The following CCNY variants were observed in gnomAD, a reference collection of about 807,000 sequenced individuals.
The protein encoded by CCNY is cyclin Y, also known as cyclin-Y.
A neutral mutation model predicts 42.8 loss-of-function variants in CCNY; 19 were observed. That is an observed-to-expected ratio of 0.44 (90% CI 0.31 to 0.65). The LOEUF (loss-of-function observed/expected upper bound fraction) is 0.65. Ranked by LOEUF, CCNY falls within the 30% of genes least tolerant of loss-of-function variation. CCNY has a pLI of 0.07. For missense variants in CCNY, 370 were observed against 437.3 expected (o/e 0.85, Z 1.37); for synonymous variants, 165 against 162.7 (o/e 1.01, Z -0.11).
intron 1 of CCNY, among the ~76,000 whole-genome samples, chr10:35,387,749 G>A (rs574658274): frequency 1.2e-3 from 179 of 152,300 alleles, no homozygotes; most frequent in African/African-American, 4.2e-3. Context: ...AGTAGTTAAT[G>A]TATAGCATGT....
At chr10:35,298,622 C>T (rs1283156544) in intron 3 of CCNY, among the ~76,000 whole-genome samples, 1 of 152,130 alleles carries the variant, frequency 6.6e-6, no homozygotes, top group African/African-American at 2.4e-5. Flanking sequence ...CTCAGGCACT[C>T]TTCCTTGCCT....
At chr10:35,417,903 T>G (rs992660437) in intron 1 of CCNY, among the ~76,000 whole-genome samples, 119 of 152,322 alleles carry the variant, frequency 7.8e-4, no homozygotes, top group Middle Eastern at 3.4e-3. Context: ...CTGTTCTCTT[T>G]TTTTCATCAG....
At position 35,566,129 on chromosome 10, in the gene CCNY, A is replaced by G; in HGVS notation, c.853A>G (p.Asn285Asp). Residue 285 changes from asparagine to aspartate, a missense_variant, in exon 9 of 10, where the codon AAC (asparagine) becomes GAC (aspartate). This residue lies in a region of CCNY where 234 missense variants were observed against 313.1 expected (regional missense o/e 0.75). Coordinates refer to ENST00000374704, the MANE Select transcript of CCNY (RefSeq NM_145012.6). The part of the protein sequence containing the change: ...YFDLRSLAEA[N>D]NLSFPLEPLS... ...TGATCTTCGTTCTCTGGCAGAAGCGAACAACCTGAGCTTTCCCTTGGAGCC... is the reference window on the plus strand; with the variant it reads ...TGATCTTCGTTCTCTGGCAGAAGCGGACAACCTGAGCTTTCCCTTGGAGCC... 6.2e-7 allele frequency: 1 copy of G among 1,614,252 alleles called. No homozygotes were observed. Among genetic ancestry groups the G allele is most frequent in the Non-Finnish European group, 8.5e-7 (1 of 1,180,042 alleles).
intron 3 of CCNY, chr10:35,316,190 C>G (rs1181809123): frequency 6.6e-6 from 1 of 152,194 alleles, no homozygotes; most frequent in Non-Finnish European, 1.5e-5. Flanking sequence ...CTCTGCCTGC[C>G]TAGCAGTGTA....
intron 3 of CCNY, among the ~76,000 whole-genome samples, chr10:35,311,674 T>A (rs1589029928): frequency 1.0e-5 from 1 of 96,406 alleles, no homozygotes; most frequent in South Asian, 4.0e-4. Context: ...GGAGACCCCG[T>A]CCCCCCCACC....
In CCNY at chr10:35,569,669, A is replaced by T. The variant is rs934787995; in HGVS notation, c.*499A>T. On this transcript the variant is annotated 3_prime_UTR_variant, in exon 10 of 10. Coordinates refer to ENST00000374704, the MANE Select transcript of CCNY (RefSeq NM_145012.6). ...CCCTGTTTTGATTTTGGTCCCACAG[A>T]GCAGGGGATGTAGTTTGTACCCACC... 2.3e-5 allele frequency: 4 copies of T among 176,552 alleles called. No homozygotes were observed. In the East Asian group the frequency reaches 5.8e-4, roughly 26 times the overall value. The allele number at this position is 176,552 out of a possible 1,614,324, so 10.9% of individuals were successfully genotyped here.
chr10:35,423,257 T>C (rs896680491), intron 1 of CCNY, among the ~76,000 whole-genome samples: 37 of 152,158 alleles, frequency 2.4e-4, no homozygotes, highest in Non-Finnish European at 7.4e-5. Context: ...GTTGGATTGC[T>C]TGAGCCTAGG....
chr10:35,425,499 G>A (rs114201159), intron 1 of CCNY, among the ~76,000 whole-genome samples: 1,535 of 152,300 alleles, frequency 0.01, 30 homozygotes, highest in African/African-American at 0.035. Flanking sequence ...TAGAATATTA[G>A]TTGAGTTATG....
chr10:35,521,647 G>A (rs1840549445), intron 4 of CCNY, among the ~76,000 whole-genome samples: 1 of 152,194 alleles, frequency 6.6e-6, no homozygotes, highest in Non-Finnish European at 1.5e-5. Context: ...CTGCGAAGGG[G>A]ATATGCCTTG....
intron 1 of CCNY, among the ~76,000 whole-genome samples, chr10:35,480,008 T>G (rs1390393448): frequency 6.6e-6 from 1 of 151,936 alleles, no homozygotes; most frequent in Non-Finnish European, 1.5e-5. Flanking sequence ...TTTTTTTTGT[T>G]CCCCAAGGAG....
At chr10:35,482,041 A>G (rs1448837216) in intron 1 of CCNY, among the ~76,000 whole-genome samples, 10 of 152,220 alleles carry the variant, frequency 6.6e-5, no homozygotes, top group Non-Finnish European at 1.2e-4. Context: ...TTAAGATTCA[A>G]TAGATGTTTC....
chr10:35,305,656 G>T (rs1835597532), intron 3 of CCNY, among the ~76,000 whole-genome samples: 1 of 152,154 alleles, frequency 6.6e-6, no homozygotes, highest in African/African-American at 2.4e-5. Flanking sequence ...TTTTACCCCT[G>T]CAAGAAAGAA....
intron 1 of CCNY, among the ~76,000 whole-genome samples, chr10:35,421,111 C>T (rs893731078): frequency 5.9e-5 from 9 of 152,154 alleles, no homozygotes; most frequent in African/African-American, 2.2e-4. Context: ...GGGTGTAGGA[C>T]GAGGTTCAAA....
At chr10:35,254,104 C>G (rs1429827024) in intron 3 of CCNY, among the ~76,000 whole-genome samples, 1 of 152,038 alleles carries the variant, frequency 6.6e-6, no homozygotes, top group Non-Finnish European at 1.5e-5. Context: ...GTCTCGATCT[C>G]CTAACCTTGT....
At chr10:35,330,969 A>G (rs568979800) in intron 3 of CCNY, among the ~76,000 whole-genome samples, 134 of 152,328 alleles carry the variant, frequency 8.8e-4, no homozygotes, top group African/African-American at 2.8e-3. Flanking sequence ...CATGTTGGCC[A>G]GGCTGGTCTT....
intron 1 of CCNY, among the ~76,000 whole-genome samples, chr10:35,425,039 T>C (rs888485672): frequency 6.6e-6 from 1 of 152,188 alleles, no homozygotes; most frequent in Non-Finnish European, 1.5e-5. Context: ...TGTGCTGTGT[T>C]CCCAGGAGTG....
Position 35,451,313 on chromosome 10 carries a change from G to C in CCNY, c.155-32091G>C, listed in dbSNP as rs375558466. Among the ~76,000 whole-genome samples the C allele has an allele frequency of 2.0e-5, 3 of 152,332 alleles. No homozygotes were observed. In the East Asian group the frequency reaches 5.8e-4, roughly 29 times the overall value. Reference sequence around the variant, plus strand: ...CGTCATGGACTGATACTGCCTGGGTGTAGTTGTTTTGCTTGGTGAGCAGAA... The same window carrying C: ...CGTCATGGACTGATACTGCCTGGGTCTAGTTGTTTTGCTTGGTGAGCAGAA... On this transcript the variant is annotated intron_variant, in intron 1 of 9. Coordinates refer to ENST00000374704, the MANE Select transcript of CCNY (RefSeq NM_145012.6).
At chr10:35,459,568 C>T (rs1490498634) in intron 1 of CCNY, among the ~76,000 whole-genome samples, 1 of 152,140 alleles carries the variant, frequency 6.6e-6, no homozygotes, top group African/African-American at 2.4e-5. Context: ...ACTGTTTTGA[C>T]AGGGCTGCAC....
intron 2 of CCNY, among the ~76,000 whole-genome samples, chr10:35,484,478 A>C (rs1293068590): frequency 6.6e-6 from 1 of 152,328 alleles, no homozygotes; most frequent in African/African-American, 2.4e-5. Flanking sequence ...TTCCAAGAAT[A>C]AATTAGTATA....
Sources: allele counts gnomAD v4.1 joint callset (sites outside exome capture counted in the v4.1 genomes callset), GRCh38; gene constraint gnomAD v4.1.1; regional missense constraint gnomAD v4.1.1; transcripts MANE v1.5; gene names NCBI Gene and HGNC (gene_info 2026-07-23, HGNC 2026-07-21).